The following DMBT1 variants were observed in gnomAD, a reference collection of about 807,000 sequenced individuals.
The protein encoded by DMBT1 is deleted in malignant brain tumors 1, also known as scavenger receptor cysteine-rich domain-containing protein DMBT1.
DMBT1 carries 198 observed loss-of-function variants against 252.9 expected under a neutral mutation model. The observed-to-expected ratio is 0.78, with a 90% CI of 0.70 to 0.88. DMBT1 has a LOEUF of 0.88. Ranked by LOEUF, DMBT1 falls within the 40% of genes least tolerant of loss-of-function variation. The pLI, the probability that DMBT1 is intolerant of heterozygous loss-of-function variation, is 0.00. For synonymous variants in DMBT1, 990 were observed against 942.7 expected (o/e 1.05, Z -0.92); for missense variants, 2,432 against 2,404.7 (o/e 1.01, Z -0.24).
At chr10:122,621,470 G>A (rs1395990437) in intron 44 of DMBT1, 90 bp downstream of exon 44, 5 of 1,579,484 alleles carry the variant, frequency 3.2e-6, no homozygotes, top group Non-Finnish European at 4.3e-6. Flanking sequence ...CTCACTCAAA[G>A]CTTCTCCTGT....
At position 122,566,096 on chromosome 10, in the gene DMBT1, A is replaced by G. The variant is rs1488101117; in HGVS notation, c.91+100A>G. ...CTGAGCACAGCTGAGGTCACAGAGC[A>G]AACGCCTGCCTTGTCGAATGCAGGA... On this transcript the variant is annotated intron_variant, in intron 2 of 55. Coordinates refer to ENST00000338354, the MANE Select transcript of DMBT1 (RefSeq NM_001377530.1). The G allele has an allele frequency of 6.9e-6, 9 of 1,300,848 alleles. No individual in the cohort carries two copies. In the East Asian group the frequency reaches 2.1e-4, roughly 30 times the overall value. The allele number at this position is 1,300,848 out of a possible 1,614,324, so 80.6% of individuals were successfully genotyped here. A position where few individuals can be genotyped will look rare whatever the true frequency, so the allele number is the denominator to read the frequency against.
chr10:122,637,324 G>C lies in DMBT1; in HGVS notation c.6942+12G>C, dbSNP rs781747103. 1 of 1,587,522 alleles carries C rather than the reference G, an allele frequency of 6.3e-7. No individual in the cohort carries two copies. The highest frequency in any genetic ancestry group is 1.1e-5 in the South Asian group (1 of 87,718). Reference sequence around the variant, plus strand: ...GCACCTTCAAGCAGGTAAGCCTGGGGCTTCCCATTCCATTTCCCAGTGCAC... The same window carrying C: ...GCACCTTCAAGCAGGTAAGCCTGGGCCTTCCCATTCCATTTCCCAGTGCAC... On this transcript the variant is annotated intron_variant, in intron 54 of 55. Transcript: ENST00000338354.
chr10:122,629,786 C>A (rs1391902344), intron 46 of DMBT1, 54 bp from the exon 47 acceptor site: 1 of 1,582,720 alleles, frequency 6.3e-7, no homozygotes, highest in Non-Finnish European at 8.6e-7. Flanking sequence ...GATTCCTTGT[C>A]ACAAAATACC....
chr10:122,625,208 A>G lies in DMBT1; in HGVS notation c.5609-69A>G, dbSNP rs1426268220. 2.0e-5 allele frequency: 29 copies of G among 1,470,394 alleles called. 1 individual carries two copies. Among genetic ancestry groups the G allele is most frequent in the South Asian group, 1.8e-4 (15 of 84,454 alleles). 91.1% of individuals were successfully genotyped at this position (1,470,394 alleles called of 1,614,324 possible). A position where few individuals can be genotyped will look rare whatever the true frequency, so the allele number is the denominator to read the frequency against. On this transcript the variant is annotated intron_variant, in intron 44 of 55. Transcript: ENST00000338354. The stretch of plus-strand genomic sequence containing the variant: ...TCTAAGTGATGAGATGGGGACAGGC[A>G]CTCAGCATTTCTCTCGCTCATCATC...
At chr10:122,624,500 T>C (rs1471538323) in intron 44 of DMBT1, among the ~76,000 whole-genome samples, 1 of 152,212 alleles carries the variant, frequency 6.6e-6, no homozygotes, top group Non-Finnish European at 1.5e-5. Context: ...CTTTAGGAGA[T>C]ACAGGAGAGA....
In DMBT1 at chr10:122,576,390, T is replaced by G. The variant is rs1184006863; in HGVS notation, c.284-9T>G. The G allele has an allele frequency of 6.2e-7, 1 of 1,612,982 alleles. No homozygotes were observed. Among genetic ancestry groups the G allele is most frequent in the Admixed American group, 1.7e-5 (1 of 60,006 alleles). ...GAATGTGCAAGAGAAATTCTGTGCC[T>G]TCCTCTAGGATCTGATTCTGGTTTG... is the stretch of plus-strand genomic sequence containing the variant. On this transcript the variant is annotated splice_polypyrimidine_tract_variant and intron_variant, in intron 6 of 55. Transcript: ENST00000338354.
intron 55 of DMBT1, among the ~76,000 whole-genome samples, chr10:122,640,937 T>C (rs975786982): frequency 6.6e-6 from 1 of 152,184 alleles, no homozygotes; most frequent in African/African-American, 2.4e-5. Flanking sequence ...TGCTCGCCTG[T>C]CAAGTGGGGA....
chr10:122,597,846 T>A (rs992747706), intron 24 of DMBT1, 128 bp from the exon 25 acceptor site: 53 of 1,400,924 alleles, frequency 3.8e-5, no homozygotes, highest in Middle Eastern at 1.8e-4. Context: ...GGCAGACACA[T>A]GGGGAGCAAG....
At chr10:122,561,864 C>G (rs2097549816) in intron 1 of DMBT1, among the ~76,000 whole-genome samples, 2 of 149,584 alleles carry the variant, frequency 1.3e-5, no homozygotes, top group African/African-American at 4.9e-5. Flanking sequence ...CTCTCCATCT[C>G]TCTTTCTCTT....
intron 1 of DMBT1, among the ~76,000 whole-genome samples, chr10:122,561,244 T>C (rs2133489185): frequency 6.6e-6 from 1 of 152,368 alleles, no homozygotes; most frequent in African/African-American, 2.4e-5. Flanking sequence ...GCCCTTTATG[T>C]GGCTTCTTTC....
intron 18 of DMBT1, 110 bp from the exon 19 acceptor site, chr10:122,591,369 A>G: frequency 7.9e-7 from 1 of 1,259,790 alleles, no homozygotes. Flanking sequence ...AGTGGCAGGA[A>G]CTAGAAATGG....
At chr10:122,570,784 T>A in intron 3 of DMBT1, 106 bp from the exon 4 acceptor site, 1 of 1,375,712 alleles carries the variant, frequency 7.3e-7, no homozygotes, top group South Asian at 1.2e-5. Context: ...AGGTTGCCCT[T>A]AGGATCTGTG....
Position 122,631,048 on chromosome 10 carries a change from C to T in DMBT1, c.6113C>T (p.Thr2038Ile), listed in dbSNP as rs766897872. The T allele has an allele frequency of 6.2e-7, 1 of 1,613,772 alleles. No homozygotes were observed. Among genetic ancestry groups the T allele is most frequent in the Non-Finnish European group, 8.5e-7 (1 of 1,179,752 alleles). Residue 2038 changes from threonine (T) to isoleucine (I), a missense_variant, in exon 49 of 56, where the codon ACA becomes ATA. Thr to Ile is a moderately conservative substitution (Grantham distance 89). Around this residue, in one of 3 missense-constraint regions of DMBT1, gnomAD observed 1,162 missense variants for 1,169.0 expected, o/e 0.99. Coordinates refer to ENST00000338354, the MANE Select transcript of DMBT1 (RefSeq NM_001377530.1). Reference protein sequence around the residue: ...VEIYHGGTWGTVCDDSWTIQE... With the variant: ...VEIYHGGTWGIVCDDSWTIQE... ...ATTTACCATGGTGGCACCTGGGGGA[C>T]AGTTTGTGATGACTCCTGGACCATT...
intron 45 of DMBT1, among the ~76,000 whole-genome samples, chr10:122,625,623 A>AT (rs2098113338): frequency 6.6e-6 from 1 of 152,260 alleles, no homozygotes; most frequent in Non-Finnish European, 1.5e-5. Context: ...ATGGAAAATT[A>AT]GGACCTTCAT....
intron 42 of DMBT1, 62 bp from the exon 43 acceptor site, chr10:122,620,191 T>G: frequency 1.3e-6 from 2 of 1,565,728 alleles, no homozygotes; most frequent in South Asian, 2.2e-5. Context: ...TTCAGAGATT[T>G]TTTTTTGTAG....
At position 122,585,287 on chromosome 10, in the gene DMBT1, C is replaced by T; in HGVS notation, c.1437C>T (p.Ile479=). Residue 479 remains isoleucine, a synonymous_variant, in exon 15 of 56, where the codon ATC becomes ATT. Transcript: ENST00000338354. ...CAATTACAGACACGTTGCCGACCAT[C>T]ACCTTACCTGCATCGACAGTAGGTA... ...STPSPDTLPT[I]TLPASTVGSE... The T allele has an allele frequency of 1.9e-6, 3 of 1,587,100 alleles. 1 individual carries two copies. The highest frequency in any genetic ancestry group is 2.6e-6 in the Non-Finnish European group (3 of 1,164,676).
chr10:122,642,211 T>A (rs952686612), intron 55 of DMBT1, among the ~76,000 whole-genome samples: 2 of 151,652 alleles, frequency 1.3e-5, no homozygotes, highest in African/African-American at 4.9e-5. Flanking sequence ...AAACTTGGTA[T>A]TTGAGAGAAT....
At chr10:122,579,272 T>C (rs2097743198) in intron 9 of DMBT1, among the ~76,000 whole-genome samples, 1 of 152,124 alleles carries the variant, frequency 6.6e-6, no homozygotes, top group African/African-American at 2.4e-5. Flanking sequence ...GGGAGGGGTC[T>C]GGGCCTGCCA....
intron 4 of DMBT1, 74 bp downstream of exon 4, chr10:122,571,011 G>T: frequency 6.5e-7 from 1 of 1,529,802 alleles, no homozygotes; most frequent in Non-Finnish European, 9.1e-7. Flanking sequence ...TGATTCAGAC[G>T]AGGTGCAGAG....
Sources: gnomAD v4.1 joint callset for allele counts (sites outside exome capture counted in the v4.1 genomes callset) on GRCh38, gnomAD v4.1.1 for gene constraint, gnomAD v4.1.1 regional missense constraint, MANE v1.5 for transcripts, NCBI Gene and HGNC (gene_info 2026-07-23, HGNC 2026-07-21) for gene names.